Variants in FRMD3 observed in about 807,000 individuals in gnomAD.
FRMD3 encodes FERM domain containing 3.
Under a neutral mutation model 70.2 loss-of-function variants are expected in FRMD3, and 33 were observed. That is an observed-to-expected ratio of 0.47 (90% confidence interval 0.36 to 0.63). The LOEUF (loss-of-function observed/expected upper bound fraction) is 0.63, where lower values mean the gene tolerates loss of function less well. Ranked by LOEUF, FRMD3 falls within the 20% of genes least tolerant of loss-of-function variation. FRMD3 has a pLI of 0.00. For synonymous variants in FRMD3, 279 were observed against 255.9 expected (o/e 1.09, Z -0.86); for missense variants, 632 against 711.4 (o/e 0.89, Z 1.27).
chr9:83,331,868 A>T, intron 6 of FRMD3: 1 of 717,432 alleles, frequency 1.4e-6, no homozygotes, highest in South Asian at 1.5e-5. Context: ...AACACCATAG[A>T]ATTGCATTTC....
chr9:83,326,073 C>G (rs1277150908), intron 6 of FRMD3, among the ~76,000 whole-genome samples: 1 of 152,120 alleles, frequency 6.6e-6, no homozygotes, highest in Non-Finnish European at 1.5e-5. Flanking sequence ...GTTTTCTGAA[C>G]CCTGATCTGG....
Position 83,535,220 on chromosome 9 carries a change from A to C in FRMD3, c.147+2865T>G, listed in dbSNP as rs180755558. Among the ~76,000 whole-genome samples, 4 of 152,228 alleles carry C rather than the reference A, an allele frequency of 2.6e-5. No individual in the cohort carries two copies. In the East Asian group the frequency reaches 7.7e-4, roughly 29 times the overall value. Reference sequence around the variant, plus strand: ...GGCTGGCTCATGAGAGATGCTCAAGAAATGGCACCTAGAGCTATTCACATT... The same window carrying C: ...GGCTGGCTCATGAGAGATGCTCAAGCAATGGCACCTAGAGCTATTCACATT... On this transcript the variant is annotated intron_variant, in intron 1 of 13. Coordinates refer to ENST00000304195, the MANE Select transcript of FRMD3 (RefSeq NM_174938.6).
At chr9:83,457,856 C>T (rs1167780996) in intron 1 of FRMD3, among the ~76,000 whole-genome samples, 1 of 152,034 alleles carries the variant, frequency 6.6e-6, no homozygotes, top group Non-Finnish European at 1.5e-5. Context: ...GTGGTAATCA[C>T]TTCACCATGT....
chr9:83,446,260 T>G (rs1034753236), intron 1 of FRMD3, among the ~76,000 whole-genome samples: 4 of 152,176 alleles, frequency 2.6e-5, no homozygotes, highest in Non-Finnish European at 5.9e-5. Context: ...CAGCAGCCCT[T>G]CTGCCAGAGC....
At chr9:83,570,063 A>G in the FRMD3 span, among the ~76,000 whole-genome samples, 12 of 152,168 alleles carry the variant, frequency 7.9e-5, no homozygotes, top group Non-Finnish European at 1.6e-4. Flanking sequence ...TTGTCCAACA[A>G]AGTGGTTCAT....
chr9:83,249,253 A>G (rs1832288005), intron 13 of FRMD3, among the ~76,000 whole-genome samples: 1 of 152,192 alleles, frequency 6.6e-6, no homozygotes, highest in South Asian at 2.1e-4. Context: ...TTTGCTATAG[A>G]TAGATGCTAG....
intron 8 of FRMD3, among the ~76,000 whole-genome samples, chr9:83,310,920 C>T (rs1052075223): frequency 6.6e-6 from 1 of 152,208 alleles, no homozygotes; most frequent in African/African-American, 2.4e-5. Context: ...TGCGGATTCA[C>T]AGTATCTGAC....
intron 1 of FRMD3, among the ~76,000 whole-genome samples, chr9:83,405,577 C>A (rs1826076493): frequency 6.7e-6 from 1 of 150,354 alleles, no homozygotes; most frequent in African/African-American, 2.5e-5. Context: ...GCCTGACCAA[C>A]ATGAAGAAAC....
At chr9:83,288,888 G>C (rs972282954) in intron 13 of FRMD3, among the ~76,000 whole-genome samples, 1 of 152,128 alleles carries the variant, frequency 6.6e-6, no homozygotes, top group Non-Finnish European at 1.5e-5. Context: ...CATCTTGGGG[G>C]ATCATAAGGC....
At chr9:83,288,958 T>C (rs1406718770) in intron 13 of FRMD3, among the ~76,000 whole-genome samples, 5 of 152,166 alleles carry the variant, frequency 3.3e-5, no homozygotes, top group Non-Finnish European at 7.3e-5. Flanking sequence ...GGCCTCCAAA[T>C]TGCATTCCCA....
intron 1 of FRMD3, among the ~76,000 whole-genome samples, chr9:83,410,737 C>T (rs1021253064): frequency 1.3e-5 from 2 of 152,246 alleles, no homozygotes; most frequent in African/African-American, 2.4e-5. Flanking sequence ...TGCTTTCTAC[C>T]GCAGCTGAAC....
chr9:83,396,325 A>C (rs1825810760), intron 1 of FRMD3, among the ~76,000 whole-genome samples: 1 of 152,244 alleles, frequency 6.6e-6, no homozygotes, highest in Non-Finnish European at 1.5e-5. Context: ...AGTTTTATAA[A>C]ATACAAAGCA....
chr9:83,483,288 CTG>C (rs1828611220), intron 1 of FRMD3, among the ~76,000 whole-genome samples: 1 of 152,160 alleles, frequency 6.6e-6, no homozygotes, highest in Non-Finnish European at 1.5e-5. Flanking sequence ...TCTGCCATGA[CTG>C]TAAGTTTCCT....
At position 83,416,616 on chromosome 9, in the gene FRMD3, C is replaced by T. The variant is rs1375185066; in HGVS notation, c.148-26908G>A. Among the ~76,000 whole-genome samples, 3 of 152,194 alleles carry T rather than the reference C, an allele frequency of 2.0e-5. No individual in the cohort carries two copies. In the South Asian group the frequency reaches 6.2e-4, roughly 31 times the overall value. ...ATAAATAAGCAACTTCATGTGACTT[C>T]CTTTCTTTGACTTCTCCATTGGGAC... On this transcript the variant is annotated intron_variant, in intron 1 of 13. Transcript: ENST00000304195.
Position 83,488,993 on chromosome 9 carries a change from T to C in FRMD3, c.147+49092A>G, listed in dbSNP as rs888487832. Among the ~76,000 whole-genome samples, 531 of 112,874 alleles carry C rather than the reference T, an allele frequency of 4.7e-3. 3 individuals are homozygous for C. The highest frequency in any genetic ancestry group is 0.017 in the African/African-American group (504 of 28,826). The allele number at this position is 112,874 out of a possible 152,430, so 74.0% of individuals were successfully genotyped here. On this transcript the variant is annotated intron_variant, in intron 1 of 13. Coordinates refer to ENST00000304195, the MANE Select transcript of FRMD3 (RefSeq NM_174938.6). ...ACCTTTGTGTGTGTGTGTGTGTGTG[T>C]GTGTGTGTGTGTGTGTGTGTGTGCT...
chr9:83,505,455 G>C (rs767935846), intron 1 of FRMD3, among the ~76,000 whole-genome samples: 1 of 152,154 alleles, frequency 6.6e-6, no homozygotes, highest in Non-Finnish European at 1.5e-5. Flanking sequence ...TTACTAAGAG[G>C]ATTACTTACA....
In FRMD3 at chr9:83,398,075, G is replaced by A. The variant is rs534261079; in HGVS notation, c.148-8367C>T. Among the ~76,000 whole-genome samples the A allele has an allele frequency of 2.3e-3, 352 of 152,258 alleles. 1 individual carries two copies. The highest frequency in any genetic ancestry group is 4.2e-3 in the Non-Finnish European group (286 of 68,012). ...AGCATTTATTAATATAAGAAAGATT[G>A]TAGCTTGATTGAACAACATAAAAGT... On this transcript the variant is annotated intron_variant, in intron 1 of 13. Transcript: ENST00000304195.
chr9:83,317,884 C>T (rs1195653437), intron 6 of FRMD3, among the ~76,000 whole-genome samples: 1 of 152,096 alleles, frequency 6.6e-6, no homozygotes, highest in Non-Finnish European at 1.5e-5. Context: ...CTGTCAGCAA[C>T]ACGTACAACC....
intron 2 of FRMD3, among the ~76,000 whole-genome samples, chr9:83,382,776 T>C (rs889198449): frequency 6.6e-6 from 1 of 152,100 alleles, no homozygotes; most frequent in Non-Finnish European, 1.5e-5. Flanking sequence ...CCTTTGCTGG[T>C]TTTGAATCTC....
Sources: gnomAD v4.1 joint callset for allele counts (sites outside exome capture counted in the v4.1 genomes callset) on GRCh38, gnomAD v4.1.1 for gene constraint, MANE v1.5 for transcripts, NCBI Gene and HGNC (gene_info 2026-07-23, HGNC 2026-07-21) for gene names.